Variants in UGT1A8 observed in about 807,000 individuals in gnomAD.
The protein encoded by UGT1A8 is UDP glucuronosyltransferase family 1 member A8, also known as UDP-glucuronosyltransferase 1A8.
A neutral mutation model predicts 45.3 loss-of-function variants in UGT1A8; 39 were observed. That is an observed-to-expected ratio of 0.86 (90% CI 0.67 to 1.12). UGT1A8 has a LOEUF of 1.12. Among genes scored for constraint, UGT1A8 ranks in the 50% most tolerant of loss-of-function variants. UGT1A8 has a pLI of 0.00. For synonymous variants in UGT1A8, 275 were observed against 249.2 expected (o/e 1.10, Z -0.97); for missense variants, 719 against 664.9 (o/e 1.08, Z -0.90).
intron 1 of UGT1A8, among the ~76,000 whole-genome samples, chr2:233,646,861 A>T (rs2125470904): frequency 6.6e-6 from 1 of 152,328 alleles, no homozygotes; most frequent in African/African-American, 2.4e-5. Context: ...CCACGTTTTC[A>T]GGTATCTTTT....
At chr2:233,764,888 CAA>C (rs869174020) in intron 1 of UGT1A8, among the ~76,000 whole-genome samples, 32 of 147,518 alleles carry the variant, frequency 2.2e-4, no homozygotes, top group African/African-American at 8.0e-4. Flanking sequence ...AAGGCAAAGA[CAA>C]AGCCCTTAAG....
intron 1 of UGT1A8, among the ~76,000 whole-genome samples, chr2:233,720,698 G>A (rs2076882093): frequency 6.6e-6 from 1 of 151,018 alleles, no homozygotes; most frequent in South Asian, 2.1e-4. Context: ...CATTAAGGGA[G>A]CCATCCTTTT....
At chr2:233,757,716 G>A (rs1426066067) in intron 1 of UGT1A8, among the ~76,000 whole-genome samples, 1 of 151,612 alleles carries the variant, frequency 6.6e-6, no homozygotes, top group African/African-American at 2.4e-5. Context: ...TCCCGGGAGG[G>A]TCCTGTAGAT....
intron 1 of UGT1A8, among the ~76,000 whole-genome samples, chr2:233,715,664 C>T (rs547065992): frequency 3.3e-5 from 5 of 152,030 alleles, no homozygotes; most frequent in African/African-American, 4.8e-5. Context: ...CCCAGCTACT[C>T]GGGAGGCTGA....
intron 1 of UGT1A8, among the ~76,000 whole-genome samples, chr2:233,635,026 G>T: frequency 6.6e-6 from 1 of 150,776 alleles, no homozygotes; most frequent in African/African-American, 2.5e-5. Flanking sequence ...GCATTTGCTT[G>T]TCTGTAAAGG....
chr2:233,666,862 A>G (rs545528568), intron 1 of UGT1A8, among the ~76,000 whole-genome samples: 21 of 136,740 alleles, frequency 1.5e-4, no homozygotes, highest in African/African-American at 5.8e-4. Flanking sequence ...ATGTGTTCTC[A>G]TTGTTCAATT....
At chr2:233,649,247 T>A (rs1210060479) in intron 1 of UGT1A8, among the ~76,000 whole-genome samples, 1 of 152,226 alleles carries the variant, frequency 6.6e-6, no homozygotes, top group East Asian at 1.9e-4. Flanking sequence ...TGCTCATAAT[T>A]TCCACTGCAT....
intron 1 of UGT1A8, among the ~76,000 whole-genome samples, chr2:233,635,878 A>G (rs1382770172): frequency 6.6e-6 from 1 of 151,066 alleles, no homozygotes; most frequent in African/African-American, 2.4e-5. Context: ...AGTCATTAAA[A>G]TAGGTGATGG....
chr2:233,748,568 G>A (rs1374135931), intron 1 of UGT1A8, among the ~76,000 whole-genome samples: 1 of 151,846 alleles, frequency 6.6e-6, no homozygotes, highest in South Asian at 2.1e-4. Flanking sequence ...GGAAGTAGAA[G>A]TGTTAAAGAG....
rs776415192 is a variant in UGT1A8, at chr2:233,712,958, G to T, written c.856-54076G>T. 4.3e-6 allele frequency: 7 copies of T among 1,612,878 alleles called. No homozygotes were observed. In the Admixed American group the frequency reaches 1.2e-4, roughly 27 times the overall value. ...AACAATTCTAGGAGGCACAACGTGG[G>T]GTGGACAGTCAGCTGTCGGTGGCTT... On this transcript the variant is annotated intron_variant, in intron 1 of 4. Coordinates refer to ENST00000373450, the MANE Select transcript of UGT1A8 (RefSeq NM_019076.5).
At chr2:233,678,181 G>C (rs2074410927) in intron 1 of UGT1A8, among the ~76,000 whole-genome samples, 1 of 152,150 alleles carries the variant, frequency 6.6e-6, no homozygotes, top group South Asian at 2.1e-4. Flanking sequence ...GAGAGGAAAG[G>C]CTGCAAGAGT....
At chr2:233,650,682 T>G (rs1257227436) in intron 1 of UGT1A8, among the ~76,000 whole-genome samples, 1 of 152,254 alleles carries the variant, frequency 6.6e-6, no homozygotes, top group Non-Finnish European at 1.5e-5. Flanking sequence ...ATAAATTTTA[T>G]GCTATTGCTT....
At chr2:233,736,086 A>G (rs1432268125) in intron 1 of UGT1A8, among the ~76,000 whole-genome samples, 1 of 152,152 alleles carries the variant, frequency 6.6e-6, no homozygotes, top group Admixed American at 6.5e-5. Flanking sequence ...GTTCTCCTGG[A>G]TAATATCCTG....
intron 1 of UGT1A8, among the ~76,000 whole-genome samples, chr2:233,642,418 T>C (rs2073475695): frequency 6.6e-6 from 1 of 152,368 alleles, no homozygotes; most frequent in South Asian, 2.1e-4. Flanking sequence ...GAATTCCTCC[T>C]CTGTGTTATT....
At chr2:233,644,123 A>G (rs1227165786) in intron 1 of UGT1A8, among the ~76,000 whole-genome samples, 1 of 151,944 alleles carries the variant, frequency 6.6e-6, no homozygotes, top group Non-Finnish European at 1.5e-5. Context: ...CAGCCCTAGA[A>G]CTCACCTAAG....
chr2:233,732,570 C>A (rs1379814187), intron 1 of UGT1A8, among the ~76,000 whole-genome samples: 2 of 152,184 alleles, frequency 1.3e-5, no homozygotes, highest in Non-Finnish European at 2.9e-5. Flanking sequence ...GGAATCCTTT[C>A]CCCATTGCTT....
chr2:233,624,384 CA>C (rs1433867967), intron 1 of UGT1A8, among the ~76,000 whole-genome samples: 3 of 152,066 alleles, frequency 2.0e-5, no homozygotes, highest in Non-Finnish European at 4.4e-5. Context: ...ACATTTTTAT[CA>C]TGGTTAAACT....
intron 1 of UGT1A8, among the ~76,000 whole-genome samples, chr2:233,646,307 A>G (rs1210774164): frequency 6.6e-6 from 1 of 152,194 alleles, no homozygotes; most frequent in Non-Finnish European, 1.5e-5. Flanking sequence ...GACCTCTGAC[A>G]TGCCCTGGAG....
Position 233,696,622 on chromosome 2 carries a change from C to G in UGT1A8, c.856-70412C>G, listed in dbSNP as rs910187626. On this transcript the variant is annotated intron_variant, in intron 1 of 4. Transcript: ENST00000373450. ...TTGGATGCCCTTTCTTTCTTTCTTT[C>G]TCTTGCTTAATTGCTTTGGATAGGA... Among the ~76,000 whole-genome samples, 6 of 148,224 alleles carry G rather than the reference C, an allele frequency of 4.0e-5. No individual in the cohort carries two copies. In the East Asian group the frequency reaches 1.2e-3, roughly 29 times the overall value.
Sources: allele counts gnomAD v4.1 joint callset (sites outside exome capture counted in the v4.1 genomes callset), GRCh38; gene constraint gnomAD v4.1.1; transcripts MANE v1.5; gene names NCBI Gene and HGNC (gene_info 2026-07-23, HGNC 2026-07-21).